Variants in BPTF observed in about 807,000 individuals in gnomAD.
The protein encoded by BPTF is bromodomain PHD finger transcription factor, also known as nucleosome-remodeling factor subunit BPTF.
A neutral mutation model predicts 292.5 loss-of-function variants in BPTF; 18 were observed. The ratio of observed to expected loss-of-function variants is 0.06; its 90% CI spans 0.04 to 0.09. BPTF has a LOEUF of 0.09. BPTF is among the 10% of genes least tolerant of loss of function. The pLI is 1.00. For missense variants in BPTF, 2,726 were observed against 3,498.7 expected (o/e 0.78, Z 5.57); for synonymous variants, 1,225 against 1,251.9 (o/e 0.98, Z 0.45).
chr17:67,925,119 C>T (rs1405628376), intron 15 of BPTF, among the ~76,000 whole-genome samples: 2 of 146,680 alleles, frequency 1.4e-5, no homozygotes, highest in South Asian at 4.3e-4. Context: ...GAAAACAGCT[C>T]TGTGGGTACA....
Position 67,922,820 on chromosome 17 carries a change from T to C in BPTF, c.5558-20T>C, listed in dbSNP as rs775319249. ...TTTAGAAGCAATATTGCTTAAAATATTCTGATTTCCTTTCCAAAGAAACGC... is the reference window on the plus strand; with the variant it reads ...TTTAGAAGCAATATTGCTTAAAATACTCTGATTTCCTTTCCAAAGAAACGC... On this transcript the variant is annotated intron_variant, in intron 13 of 27. Coordinates refer to ENST00000306378, the MANE Select transcript of BPTF (RefSeq NM_182641.4). The C allele has an allele frequency of 1.9e-6, 3 of 1,580,038 alleles. No individual in the cohort carries two copies. Among genetic ancestry groups the C allele is most frequent in the Admixed American group, 4.1e-5 (2 of 48,998 alleles).
At chr17:67,878,502 A>C (rs566050509) in intron 4 of BPTF, among the ~76,000 whole-genome samples, 8 of 152,278 alleles carry the variant, frequency 5.3e-5, no homozygotes, top group African/African-American at 1.9e-4. Flanking sequence ...TATTCAGTTC[A>C]ACAGTGTATG....
chr17:67,895,773 A>G (rs1308748662), intron 7 of BPTF, among the ~76,000 whole-genome samples: 2 of 152,072 alleles, frequency 1.3e-5, no homozygotes, highest in Non-Finnish European at 2.9e-5. Context: ...TGCAATTAGT[A>G]CAGTGGTTGC....
At chr17:67,898,840 T>C (rs985676261) in intron 7 of BPTF, among the ~76,000 whole-genome samples, 12 of 149,514 alleles carry the variant, frequency 8.0e-5, no homozygotes, top group Non-Finnish European at 1.3e-4. Context: ...GAGAATCACT[T>C]GAGGCCAGGA....
intron 18 of BPTF, among the ~76,000 whole-genome samples, chr17:67,935,271 TA>T (rs931220535): frequency 6.6e-6 from 1 of 151,630 alleles, no homozygotes; most frequent in African/African-American, 2.4e-5. Flanking sequence ...AAAAAATTTC[TA>T]AAAAATTAGC....
rs1417115477 is a variant in BPTF at position 67,875,705 on chromosome 17, GAGA to G, written c.1864+691_1864+693del. ...AACCCCCGATAGCAGCAACATGGCA[GAGA>G]AGAAGGTGGCATCTGAGCTCCCCCA... On this transcript the variant is annotated intron_variant, in intron 4 of 27. Transcript: ENST00000306378. 2 of 1,604,018 alleles carry G rather than the reference GAGA, an allele frequency of 1.2e-6. No individual in the cohort carries two copies.
intron 4 of BPTF, among the ~76,000 whole-genome samples, chr17:67,889,872 G>A (rs1039138935): frequency 2.0e-5 from 3 of 152,142 alleles, no homozygotes; most frequent in African/African-American, 7.2e-5. Flanking sequence ...CTGACCAACT[G>A]CTTTGCTACC....
At chr17:67,848,640 G>A (rs1210883587) in intron 1 of BPTF, among the ~76,000 whole-genome samples, 3 of 152,260 alleles carry the variant, frequency 2.0e-5, no homozygotes, top group South Asian at 2.1e-4. Flanking sequence ...ACTACAGTGC[G>A]TATTTAAAAA....
At position 67,838,022 on chromosome 17, in the gene BPTF, A is replaced by G. The variant is rs559342960; in HGVS notation, c.613+11685A>G. ...CTCAGTTTACTCACCTGTACAGTAT[A>G]GGATGGACTAGATGATCTAATGGTC... is the stretch of plus-strand genomic sequence containing the variant. On this transcript the variant is annotated intron_variant, in intron 1 of 27. Coordinates refer to ENST00000306378, the MANE Select transcript of BPTF (RefSeq NM_182641.4). 3.9e-5 allele frequency among the ~76,000 whole-genome samples: 6 copies of G among 152,308 alleles called. No homozygotes were observed. The East Asian group carries it at 9.7e-4, about 25-fold the overall frequency.
rs769920559 is a variant in BPTF, at chr17:67,912,536, C to T, written c.4652C>T (p.Ser1551Phe). ...VKKVTSSPIT[S>F]EEESNLSNDF... is the part of the protein sequence containing the mutation. ...AAAGTTACTTCATCACCTATTACTT[C>T]TGAAGAGGAATCTAATCTCAGTAAT... The change falls in exon 11 of 28, where the codon TCT becomes TTT. Residue 1551 changes from serine (S) to phenylalanine (F), a missense_variant. By Grantham distance (155) the Ser-to-Phe change is radical. This residue lies in a region of BPTF where 144 missense variants were observed against 177.2 expected (regional missense o/e 0.81). Transcript: ENST00000306378. 2 of 1,614,002 alleles carry T rather than the reference C, an allele frequency of 1.2e-6. No homozygotes were observed. Among genetic ancestry groups the T allele is most frequent in the South Asian group, 1.1e-5 (1 of 91,058 alleles).
chr17:67,931,751 C>T (rs1852377717), intron 17 of BPTF, among the ~76,000 whole-genome samples, 160 bp from the exon 18 acceptor site: 1 of 152,116 alleles, frequency 6.6e-6, no homozygotes, highest in South Asian at 2.1e-4. Context: ...CGTCTTTATT[C>T]TGATGTTTAA....
At chr17:67,862,414 C>G (rs2145321818) in intron 2 of BPTF, among the ~76,000 whole-genome samples, 2 of 152,292 alleles carry the variant, frequency 1.3e-5, no homozygotes, top group South Asian at 4.1e-4. Context: ...CTAACAACAG[C>G]ATCTTCCAGG....
Position 67,826,153 on chromosome 17 carries a change from G to T in BPTF, c.429G>T (p.Glu143Asp). ...EEEEEEDMVS[E>D]EEEEEDGDAE... The stretch of plus-strand genomic sequence containing the variant: ...AGGAAGAGGAGGACATGGTCTCCGA[G>T]GAGGAGGAGGAGGAGGACGGCGACG... Residue 143 changes from glutamate to aspartate, a missense_variant, in exon 1 of 28, where the codon GAG (glutamate) becomes GAT (aspartate). By Grantham distance (45) the Glu-to-Asp change is conservative. This residue lies in a region of BPTF where 153 missense variants were observed against 178.3 expected (regional missense o/e 0.86). Coordinates refer to ENST00000306378, the MANE Select transcript of BPTF (RefSeq NM_182641.4). 9.0e-7 allele frequency: 1 copy of T among 1,111,702 alleles called. No homozygotes were observed. Among genetic ancestry groups the T allele is most frequent in the Admixed American group, 2.1e-5 (1 of 47,324 alleles). The allele number at this position is 1,111,702 out of a possible 1,614,324, so 68.9% of individuals were successfully genotyped here.
intron 23 of BPTF, among the ~76,000 whole-genome samples, chr17:67,949,815 T>G (rs1442725235): frequency 6.6e-6 from 1 of 151,680 alleles, no homozygotes; most frequent in African/African-American, 2.4e-5. Flanking sequence ...CCCAGCACTT[T>G]GGGTGGCCGA....
At chr17:67,829,480 C>T (rs1188514339) in intron 1 of BPTF, among the ~76,000 whole-genome samples, 1 of 151,236 alleles carries the variant, frequency 6.6e-6, no homozygotes, top group Non-Finnish European at 1.5e-5. Context: ...CCCCCACCCC[C>T]CGGATGTGAC....
intron 1 of BPTF, among the ~76,000 whole-genome samples, chr17:67,836,875 C>T (rs1270573942): frequency 1.3e-5 from 2 of 152,200 alleles, no homozygotes; most frequent in East Asian, 1.9e-4. Context: ...GGTGGTTTTA[C>T]TGTAATTTCA....
intron 1 of BPTF, among the ~76,000 whole-genome samples, chr17:67,839,690 A>G (rs564463212): frequency 6.6e-6 from 1 of 152,328 alleles, no homozygotes; most frequent in East Asian, 1.9e-4. Flanking sequence ...GCATTTATCC[A>G]TTCAATAGTT....
At chr17:67,933,173 G>A (rs902553585) in intron 18 of BPTF, among the ~76,000 whole-genome samples, 5 of 151,610 alleles carry the variant, frequency 3.3e-5, no homozygotes, top group South Asian at 2.1e-4. Flanking sequence ...CAGGAGAGTC[G>A]CTTGAACCCA....
At chr17:67,925,632 C>T (rs560840794) in intron 15 of BPTF, among the ~76,000 whole-genome samples, 76 of 152,240 alleles carry the variant, frequency 5.0e-4, no homozygotes, top group Admixed American at 3.5e-3. Context: ...TTACCAACTT[C>T]AGTATATAAA....
Sources: gnomAD v4.1 joint callset for allele counts (sites outside exome capture counted in the v4.1 genomes callset) on GRCh38, gnomAD v4.1.1 for gene constraint, gnomAD v4.1.1 regional missense constraint, MANE v1.5 for transcripts, NCBI Gene and HGNC (gene_info 2026-07-23, HGNC 2026-07-21) for gene names.